Variants in HOMER2 observed in about 807,000 individuals in gnomAD.
HOMER2 encodes the protein homer scaffold protein 2, also known as homer protein homolog 2.
A neutral mutation model predicts 47.0 loss-of-function variants in HOMER2; 27 were observed. The observed-to-expected ratio is 0.57, with a 90% confidence interval of 0.42 to 0.79. The LOEUF is 0.79. Ranked by LOEUF, HOMER2 falls within the 30% of genes least tolerant of loss-of-function variation. HOMER2 has a pLI of 0.00. For missense variants in HOMER2, 443 were observed against 435.0 expected (o/e 1.02, Z -0.16); for synonymous variants, 161 against 163.8 (o/e 0.98, Z 0.13).
At chr15:82,954,812 C>G (rs994521526), upstream of HOMER2, among the ~76,000 whole-genome samples, 1 of 152,088 alleles carries the variant, frequency 6.6e-6, no homozygotes, top group Non-Finnish European at 1.5e-5. Context: ...CAGAGTGTTG[C>G]TCTGTCACCA....
At chr15:82,973,895 G>C (rs2030101307) in intron 1 of HOMER2, among the ~76,000 whole-genome samples, 1 of 151,768 alleles carries the variant, frequency 6.6e-6, no homozygotes, top group Non-Finnish European at 1.5e-5. Context: ...CTGAAACACT[G>C]TCTCTACTAA....
chr15:82,916,351 T>C (rs78930223), intron 1 of HOMER2, among the ~76,000 whole-genome samples: 1,824 of 152,206 alleles, frequency 0.012, 37 homozygotes, highest in African/African-American at 0.042. Context: ...GCCAAGAATA[T>C]CCCAGGAAAC....
intron 1 of HOMER2, among the ~76,000 whole-genome samples, chr15:82,967,961 T>G (rs981196757): frequency 2.6e-5 from 4 of 152,226 alleles, no homozygotes; most frequent in Non-Finnish European, 4.4e-5. Context: ...AATGTATATG[T>G]GTAAATATAA....
intron 1 of HOMER2, among the ~76,000 whole-genome samples, chr15:82,931,693 T>C (rs2054015599): frequency 6.6e-6 from 1 of 151,906 alleles, no homozygotes; most frequent in Admixed American, 6.6e-5. Flanking sequence ...AAAAAATTAG[T>C]TGGGTGTGGT....
At chr15:82,865,703 G>T (rs2051943222) in intron 3 of HOMER2, among the ~76,000 whole-genome samples, 1 of 152,176 alleles carries the variant, frequency 6.6e-6, no homozygotes. Flanking sequence ...TTGGTGACCT[G>T]CATCCCAGCA....
At position 82,921,788 on chromosome 15, in the gene HOMER2, C is replaced by G. The variant is rs117763969; in HGVS notation, c.6-28947G>C. 4.9e-3 allele frequency among the ~76,000 whole-genome samples: 746 copies of G among 152,312 alleles called. 5 individuals are homozygous for G. Among genetic ancestry groups the G allele is most frequent in the Non-Finnish European group, 7.5e-3 (513 of 68,032 alleles). On this transcript the variant is annotated intron_variant, in intron 1 of 8. Transcript: ENST00000450735. ...GGCCCCTCCACTCAGACTCTGGGCT[C>G]TGGTCTCCTCTGTGCTATATTTCTG...
At position 82,918,736 on chromosome 15, in the gene HOMER2, ATC is replaced by A. The variant is rs1216952372; in HGVS notation, c.6-25897_6-25896del. Among the ~76,000 whole-genome samples, 5 of 152,106 alleles carry A rather than the reference ATC, an allele frequency of 3.3e-5. No homozygotes were observed. In the East Asian group the frequency reaches 9.6e-4, roughly 29 times the overall value. ...CTGTCACTATGGCAGAAACCTGGGA[ATC>A]TCACACCCAGCACACAGCAGGAACA... is the stretch of plus-strand genomic sequence containing the variant. On this transcript the variant is annotated intron_variant, in intron 1 of 8. Coordinates refer to ENST00000450735, the MANE Select transcript of HOMER2 (RefSeq NM_004839.4).
exon 2 of HOMER2, chr15:82,841,497 T>C (rs1181869956): frequency 6.7e-6 from 1 of 149,258 alleles, no homozygotes; most frequent in Non-Finnish European, 1.5e-5. Flanking sequence ...GTCAAATTTA[T>C]AGTTTTGGAG....
At chr15:82,896,191 T>A (rs2052909672) in intron 1 of HOMER2, among the ~76,000 whole-genome samples, 5 of 151,870 alleles carry the variant, frequency 3.3e-5, no homozygotes, top group Admixed American at 2.6e-4. Flanking sequence ...AGGGTGGAGA[T>A]GAGTGCGGCC....
intron 5 of HOMER2, among the ~76,000 whole-genome samples, chr15:82,855,348 A>AG (rs2051548526): frequency 6.6e-6 from 1 of 150,986 alleles, no homozygotes. Context: ...AAAAAAAAAA[A>AG]AGAAAACACA....
intron 1 of HOMER2, among the ~76,000 whole-genome samples, chr15:82,933,549 G>A (rs919016202): frequency 1.3e-5 from 2 of 152,094 alleles, no homozygotes; most frequent in African/African-American, 4.8e-5. Context: ...ACCCAGCCAA[G>A]AACCCCACCT....
intron 4 of HOMER2, 100 bp from the exon 5 acceptor site, chr15:82,859,235 T>G (rs777320787): frequency 6.4e-7 from 1 of 1,573,906 alleles, no homozygotes. Flanking sequence ...TTAGGCATAA[T>G]AAGAAACTTT....
intron 1 of HOMER2, among the ~76,000 whole-genome samples, chr15:82,903,607 G>T (rs1158833657): frequency 6.6e-6 from 1 of 150,544 alleles, no homozygotes; most frequent in Non-Finnish European, 1.5e-5. Flanking sequence ...CAACAAGAGC[G>T]AAACTCCTCT....
intron 4 of HOMER2, 40 bp downstream of exon 4, chr15:82,864,126 AC>A (rs761042832): frequency 5.9e-6 from 8 of 1,346,222 alleles, no homozygotes; most frequent in Non-Finnish European, 8.4e-6. Context: ...AGTCCCTATC[AC>A]CAACCCCACT....
At chr15:82,836,234 G>C (rs1431703774), downstream of HOMER2, 2 of 152,222 alleles carry the variant, frequency 1.3e-5, no homozygotes, top group African/African-American at 4.8e-5. Flanking sequence ...AGGGAATTCA[G>C]AGCCAAGGAA....
At chr15:82,864,314 T>G in intron 3 of HOMER2, 55 bp from the exon 4 acceptor site, 1 of 1,183,750 alleles carries the variant, frequency 8.4e-7, no homozygotes, top group Non-Finnish European at 1.2e-6. Context: ...ATGGCTGGTA[T>G]TCAGAACCCA....
intron 1 of HOMER2, among the ~76,000 whole-genome samples, chr15:82,911,012 A>T (rs1175263924): frequency 1.3e-5 from 2 of 152,196 alleles, no homozygotes; most frequent in Non-Finnish European, 2.9e-5. Context: ...GTTTGTTAAG[A>T]TTAAATGTGA....
chr15:82,840,412 C>G (rs1483584570), exon 2 of HOMER2: 1 of 152,112 alleles, frequency 6.6e-6, no homozygotes, highest in Admixed American at 6.6e-5. Context: ...ACTACAACTC[C>G]AGGCCAACAA....
At chr15:82,975,884 T>C (rs1459943055) in intron 1 of HOMER2, among the ~76,000 whole-genome samples, 1 of 152,218 alleles carries the variant, frequency 6.6e-6, no homozygotes, top group Non-Finnish European at 1.5e-5. Flanking sequence ...ACACAAAGGA[T>C]AAATGCTTGA....
Sources: gnomAD v4.1 joint callset for allele counts (sites outside exome capture counted in the v4.1 genomes callset) on GRCh38, gnomAD v4.1.1 for gene constraint, MANE v1.5 for transcripts, NCBI Gene and HGNC (gene_info 2026-07-23, HGNC 2026-07-21) for gene names.